Variants in NHSL1 observed in about 807,000 individuals in gnomAD.
NHSL1 encodes NHS-like protein 1.
NHSL1 carries 48 observed loss-of-function variants against 95.0 expected under a neutral mutation model. The observed-to-expected ratio is 0.51, with a 90% confidence interval of 0.40 to 0.64. NHSL1 has a LOEUF of 0.64. Among genes scored for constraint, NHSL1 ranks in the 30% least tolerant of loss-of-function variants. NHSL1 has a pLI of 0.00. For synonymous variants in NHSL1, 783 were observed against 833.9 expected (o/e 0.94, Z 1.05); for missense variants, 1,971 against 2,077.7 (o/e 0.95, Z 1.00).
At chr6:138,463,490 C>T (rs1038828139) in intron 3 of NHSL1, among the ~76,000 whole-genome samples, 1 of 151,012 alleles carries the variant, frequency 6.6e-6, no homozygotes, top group African/African-American at 2.4e-5. Flanking sequence ...CCAGGCCTTC[C>T]CATGTGCGAT....
At position 138,430,470 on chromosome 6, in the gene NHSL1, T is replaced by A; in HGVS notation, c.3875A>T (p.Lys1292Met). The A allele has an allele frequency of 6.5e-7, 1 of 1,550,220 alleles. No homozygotes were observed. The highest frequency in any genetic ancestry group is 8.7e-7 in the Non-Finnish European group (1 of 1,146,130). Reference protein sequence around the residue: ...MVQPDVSPAPKQEEPAENSAD... With the variant: ...MVQPDVSPAPMQEEPAENSAD... ...ACTGTTCTCGGCTGGCTCCTCCTGC[T>A]TGGGGGCTGGTGAGACATCAGGCTG... The change falls in exon 6 of 8, where the codon AAG becomes ATG. Residue 1292 changes from lysine (K) to methionine (M), a missense_variant. By Grantham distance (95) the Lys-to-Met change is moderately conservative. This residue lies in a region of NHSL1 where 1,602 missense variants were observed against 1,654.5 expected (regional missense o/e 0.97). Coordinates refer to ENST00000343505, the MANE Select transcript of NHSL1 (RefSeq NM_001144060.2). The surrounding 1 kb of genome is among the most constrained non-coding windows in gnomAD (Gnocchi z 4.7).
chr6:138,533,993 C>T (rs1163176322), intron 1 of NHSL1, among the ~76,000 whole-genome samples: 1 of 152,180 alleles, frequency 6.6e-6, no homozygotes, highest in East Asian at 1.9e-4. Context: ...CTTCCACATG[C>T]TACAGGCCAT....
At chr6:138,535,037 G>A (rs577451803) in intron 1 of NHSL1, among the ~76,000 whole-genome samples, 3 of 152,234 alleles carry the variant, frequency 2.0e-5, no homozygotes, top group South Asian at 2.1e-4. Context: ...CTTTTACTCC[G>A]AGTGAAATGA....
At chr6:138,620,240 A>G (rs1258920188) in intron 1 of NHSL1, among the ~76,000 whole-genome samples, 1 of 152,164 alleles carries the variant, frequency 6.6e-6, no homozygotes, top group East Asian at 1.9e-4. Flanking sequence ...TTTTTGAAAC[A>G]AGAAAAATAT....
rs1776647995 is a variant in NHSL1, at chr6:138,443,261, A to G, written c.533-1147T>C. On this transcript the variant is annotated intron_variant, in intron 4 of 7. Transcript: ENST00000343505. ...TAAAACATCTGAATGATCAAAACAC[A>G]TTTCCCCTACTGAGGAACAAACTTA... Among the ~76,000 whole-genome samples, 4 of 152,308 alleles carry G rather than the reference A, an allele frequency of 2.6e-5. No individual in the cohort carries two copies. The East Asian group carries it at 5.8e-4, about 22-fold the overall frequency.
chr6:138,507,908 T>C (rs569953439), intron 1 of NHSL1, among the ~76,000 whole-genome samples: 1 of 152,306 alleles, frequency 6.6e-6, no homozygotes, highest in Non-Finnish European at 1.5e-5. Context: ...GAGATGATAA[T>C]GTATCAATTC....
intron 1 of NHSL1, among the ~76,000 whole-genome samples, chr6:138,623,214 C>G (rs1245306009): frequency 6.6e-6 from 1 of 152,110 alleles, no homozygotes; most frequent in Non-Finnish European, 1.5e-5. Context: ...ATTCAGAGCA[C>G]AGAAAATGAA....
At chr6:138,683,652 T>C (rs1785541602) in intron 1 of NHSL1, among the ~76,000 whole-genome samples, 2 of 152,190 alleles carry the variant, frequency 1.3e-5, no homozygotes, top group Non-Finnish European at 2.9e-5. Context: ...AGGTCATAAT[T>C]TGAAGTTAGA....
At chr6:138,561,501 G>C (rs1412844379) in intron 1 of NHSL1, among the ~76,000 whole-genome samples, 3 of 152,088 alleles carry the variant, frequency 2.0e-5, no homozygotes, top group Non-Finnish European at 4.4e-5. Flanking sequence ...TAATCCTAAT[G>C]AGCTCCCACT....
At chr6:138,684,970 T>C (rs1466505158) in intron 1 of NHSL1, among the ~76,000 whole-genome samples, 1 of 152,192 alleles carries the variant, frequency 6.6e-6, no homozygotes, top group Non-Finnish European at 1.5e-5. Flanking sequence ...TATAACGATT[T>C]TTTTTTTCTT....
chr6:138,540,768 T>G (rs1210042586), intron 1 of NHSL1, among the ~76,000 whole-genome samples: 2 of 152,224 alleles, frequency 1.3e-5, no homozygotes, highest in Non-Finnish European at 2.9e-5. Context: ...CAGTAACTTG[T>G]GAAGCAGAAG....
chr6:138,470,585 C>T (rs1216136220), intron 3 of NHSL1: 1 of 152,172 alleles, frequency 6.6e-6, no homozygotes, highest in African/African-American at 2.4e-5. Context: ...GCCACCACGC[C>T]CAATCAAACC....
chr6:138,483,847 T>C (rs1385612239), intron 2 of NHSL1, among the ~76,000 whole-genome samples: 1 of 152,190 alleles, frequency 6.6e-6, no homozygotes, highest in East Asian at 1.9e-4. Context: ...GAATGAATGA[T>C]CTGTATTTGT....
intron 1 of NHSL1, among the ~76,000 whole-genome samples, chr6:138,505,398 G>C (rs1316441348): frequency 6.6e-6 from 1 of 152,172 alleles, no homozygotes; most frequent in Non-Finnish European, 1.5e-5. Context: ...ACTCATGCCT[G>C]TAATCCCAGC....
At chr6:138,676,402 GA>G (rs148191619) in intron 1 of NHSL1, among the ~76,000 whole-genome samples, 8 of 145,748 alleles carry the variant, frequency 5.5e-5, no homozygotes, top group Non-Finnish European at 9.1e-5. Flanking sequence ...AATACACTCA[GA>G]AAAAAAAAAT....
chr6:138,521,226 G>A (rs1025321254), intron 1 of NHSL1, among the ~76,000 whole-genome samples: 8 of 152,162 alleles, frequency 5.3e-5, no homozygotes, highest in Non-Finnish European at 1.0e-4. Flanking sequence ...CAGGCCAGGC[G>A]TGGTGGCTCA....
At chr6:138,505,847 C>T (rs930756459) in intron 1 of NHSL1, among the ~76,000 whole-genome samples, 1 of 152,014 alleles carries the variant, frequency 6.6e-6, no homozygotes, top group Non-Finnish European at 1.5e-5. Flanking sequence ...TTCAGGGCAA[C>T]CTTATCTATA....
At chr6:138,615,081 A>G (rs892084902) in intron 1 of NHSL1, among the ~76,000 whole-genome samples, 3 of 152,128 alleles carry the variant, frequency 2.0e-5, no homozygotes, top group Middle Eastern at 3.2e-3. Flanking sequence ...AAAGAATGAG[A>G]GAGCCCAGTC....
chr6:138,639,797 C>CCA (rs1784935915), intron 1 of NHSL1, among the ~76,000 whole-genome samples: 1 of 22,586 alleles, frequency 4.4e-5, no homozygotes, highest in South Asian at 2.1e-3. Context: ...GACTCAGTCT[C>CCA]AAAAAAAAAA....
Sources: gnomAD v4.1 joint callset for allele counts (sites outside exome capture counted in the v4.1 genomes callset) on GRCh38, gnomAD v4.1.1 for gene constraint, gnomAD v4.1.1 regional missense constraint, Gnocchi (gnomAD v3.1) non-coding constraint, MANE v1.5 for transcripts, NCBI Gene and HGNC (gene_info 2026-07-23, HGNC 2026-07-21) for gene names.